Variants in IMPACT observed in about 807,000 individuals in gnomAD.
IMPACT encodes the protein protein IMPACT.
Under a neutral mutation model 47.5 loss-of-function variants are expected in IMPACT, and 35 were observed. The ratio of observed to expected loss-of-function variants is 0.74; its 90% CI spans 0.56 to 0.98. IMPACT has a LOEUF of 0.98. Among genes scored for constraint, IMPACT ranks in the 50% least tolerant of loss-of-function variants. The pLI, the probability that IMPACT is intolerant of heterozygous loss-of-function variation, is 0.00. For synonymous variants in IMPACT, 118 were observed against 125.6 expected, an observed-to-expected ratio of 0.94 and a Z score of 0.40; for missense variants, 373 against 394.8, an observed-to-expected ratio of 0.94 and a Z score of 0.47.
chr18:24,446,276 G>T lies in IMPACT; in HGVS notation c.668+810G>T, dbSNP rs117948434. On this transcript the variant is annotated intron_variant, in intron 8 of 10. Coordinates refer to ENST00000284202, the MANE Select transcript of IMPACT (RefSeq NM_018439.4). ...TGACAGGGTTCTGCCATGTTGCCCAGGCTGGCCTCAAACTCCTGAGTTCAA... is the reference window on the plus strand; with the variant it reads ...TGACAGGGTTCTGCCATGTTGCCCATGCTGGCCTCAAACTCCTGAGTTCAA... Among the ~76,000 whole-genome samples the T allele has an allele frequency of 1.1e-3, 164 of 152,232 alleles. 2 individuals carry two copies. In the East Asian group the frequency reaches 0.029, roughly 27 times the overall value.
At chr18:24,436,592 A>T (rs1056970098) in intron 4 of IMPACT, among the ~76,000 whole-genome samples, 3 of 151,652 alleles carry the variant, frequency 2.0e-5, no homozygotes, top group African/African-American at 4.9e-5. Flanking sequence ...TCTGTTGCCC[A>T]GGCTGGAGTG....
At chr18:24,435,887 G>GTTTTTTGTTTTTGTTTTTTTTTTTTT (rs1555666604) in intron 4 of IMPACT, among the ~76,000 whole-genome samples, 1 of 151,862 alleles carries the variant, frequency 6.6e-6, no homozygotes. Flanking sequence ...TGTCTTCTTT[G>GTTTTTTGTTTTTGTTTTTTTTTTTTT]ATGCTGTGTT....
At chr18:24,430,187 A>T in intron 3 of IMPACT, 135 bp from the exon 4 acceptor site, 1 of 525,664 alleles carries the variant, frequency 1.9e-6, no homozygotes, top group Non-Finnish European at 3.3e-6. Context: ...GCAACTATAT[A>T]GATTTATACA....
chr18:24,429,403 C>G (rs1908694790), intron 3 of IMPACT: 2 of 152,980 alleles, frequency 1.3e-5, no homozygotes, highest in African/African-American at 2.4e-5. Context: ...GAGCCATGAC[C>G]TGTTGATGCA....
At position 24,452,470 on chromosome 18, in the gene IMPACT, C is replaced by T. The variant is rs1330386650; in HGVS notation, c.*1623C>T. ...ACATTAAATAATTTCACAATTTCAA[C>T]ATGTCAAACCTATGAAGGGAGATAG... On this transcript the variant is annotated 3_prime_UTR_variant, in exon 11 of 11. Coordinates refer to ENST00000284202, the MANE Select transcript of IMPACT (RefSeq NM_018439.4). 3.3e-5 allele frequency: 5 copies of T among 151,992 alleles called. No homozygotes were observed. Among genetic ancestry groups the T allele is most frequent in the African/African-American group, 1.2e-4 (5 of 41,422 alleles). 9.4% of individuals were successfully genotyped at this position (151,992 alleles called of 1,614,324 possible).
chr18:24,438,808 C>G (rs563904504), intron 5 of IMPACT, among the ~76,000 whole-genome samples: 1 of 151,960 alleles, frequency 6.6e-6, no homozygotes, highest in African/African-American at 2.4e-5. Flanking sequence ...CTTGATGTCT[C>G]GGTTACGGTG....
At chr18:24,435,210 T>G (rs1908894926) in intron 4 of IMPACT, among the ~76,000 whole-genome samples, 1 of 152,098 alleles carries the variant, frequency 6.6e-6, no homozygotes, top group Non-Finnish European at 1.5e-5. Flanking sequence ...CCTCAAGTGA[T>G]CTATCTGTCT....
At chr18:24,432,017 T>A (rs1384485064) in intron 4 of IMPACT, among the ~76,000 whole-genome samples, 3 of 152,138 alleles carry the variant, frequency 2.0e-5, no homozygotes, top group Admixed American at 6.5e-5. Flanking sequence ...CTAATTTTTT[T>A]AAAAATTATT....
intron 4 of IMPACT, among the ~76,000 whole-genome samples, chr18:24,433,541 G>C (rs1908820217): frequency 6.6e-6 from 1 of 150,484 alleles, no homozygotes; most frequent in Non-Finnish European, 1.5e-5. Flanking sequence ...TGTTGCCCAA[G>C]CTGGCCTTGA....
In IMPACT at chr18:24,426,811, G is replaced by A; in HGVS notation, c.36+19G>A. On this transcript the variant is annotated intron_variant, in intron 1 of 10. Coordinates refer to ENST00000284202, the MANE Select transcript of IMPACT (RefSeq NM_018439.4). ...GAGGCAGGTGAGGCCCCGGCGGGGT[G>A]CTGTCTCTCCAGGCTCGGCTCCGGC... The A allele has an allele frequency of 1.6e-6, 2 of 1,236,870 alleles. No homozygotes were observed. 76.6% of individuals were successfully genotyped at this position (1,236,870 alleles called of 1,614,324 possible).
chr18:24,450,147 C>T (rs539591673), intron 10 of IMPACT, among the ~76,000 whole-genome samples, 194 bp downstream of exon 10: 1 of 152,262 alleles, frequency 6.6e-6, no homozygotes, highest in Admixed American at 6.5e-5. Context: ...CACTTAATCC[C>T]TTCGCACCTT....
At chr18:24,435,010 G>T (rs1908886636) in intron 4 of IMPACT, among the ~76,000 whole-genome samples, 1 of 148,950 alleles carries the variant, frequency 6.7e-6, no homozygotes, top group Non-Finnish European at 1.5e-5. Flanking sequence ...GTCTATCTCT[G>T]TTACCCAGGC....
intron 4 of IMPACT, among the ~76,000 whole-genome samples, chr18:24,436,600 G>C (rs1464221958): frequency 6.6e-6 from 1 of 151,442 alleles, no homozygotes; most frequent in East Asian, 1.9e-4. Context: ...CCAGGCTGGA[G>C]TGCAGTGGCA....
Position 24,426,708 on chromosome 18 carries a change from G to A in IMPACT, c.-49G>A. 2 of 1,233,796 alleles carry A rather than the reference G, an allele frequency of 1.6e-6. No homozygotes were observed. Among genetic ancestry groups the A allele is most frequent in the Non-Finnish European group, 2.0e-6 (2 of 985,832 alleles). 76.4% of individuals were successfully genotyped at this position (1,233,796 alleles called of 1,614,324 possible). ...CTCGCAGCCGCAGCGCCCCGCCCCC[G>A]CGCTCCGGACCTGGCAGGCGGCGGC... On this transcript the variant is annotated 5_prime_UTR_variant, in exon 1 of 11. Coordinates refer to ENST00000284202, the MANE Select transcript of IMPACT (RefSeq NM_018439.4).
intron 6 of IMPACT, among the ~76,000 whole-genome samples, chr18:24,442,063 T>C (rs1909128430): frequency 6.6e-6 from 1 of 152,196 alleles, no homozygotes; most frequent in Non-Finnish European, 1.5e-5. Flanking sequence ...CTTTCTTGTC[T>C]TGAATAACTT....
intron 3 of IMPACT, among the ~76,000 whole-genome samples, chr18:24,429,871 G>A (rs376090602): frequency 2.0e-4 from 30 of 151,458 alleles, no homozygotes; most frequent in African/African-American, 6.5e-4. Context: ...TCCGCCTCCC[G>A]GGTTCACACC....
Position 24,438,663 on chromosome 18 carries a change from C to T in IMPACT, c.367+623C>T, listed in dbSNP as rs117567069. On this transcript the variant is annotated intron_variant, in intron 5 of 10. Coordinates refer to ENST00000284202, the MANE Select transcript of IMPACT (RefSeq NM_018439.4). ...AAAATTTTTTCTACAGACGAGGTCT[C>T]CCTATGTTGCCCAGGCTGATCTCAA... Among the ~76,000 whole-genome samples the T allele has an allele frequency of 7.3e-3, 1,113 of 152,238 alleles. 9 individuals are homozygous for T. The highest frequency in any genetic ancestry group is 0.041 in the Middle Eastern group (12 of 292).
intron 6 of IMPACT, among the ~76,000 whole-genome samples, chr18:24,441,902 A>G (rs1909124280): frequency 6.6e-6 from 1 of 152,234 alleles, no homozygotes; most frequent in Non-Finnish European, 1.5e-5. Flanking sequence ...GATAAAAATC[A>G]TACTCATAAA....
Position 24,426,702 on chromosome 18 carries a change from G to A in IMPACT, c.-55G>A. ...TCTCGGCTCGCAGCCGCAGCGCCCC[G>A]CCCCCGCGCTCCGGACCTGGCAGGC... is the stretch of plus-strand genomic sequence containing the variant. On this transcript the variant is annotated 5_prime_UTR_variant, in exon 1 of 11. Transcript: ENST00000284202. 1 of 1,218,898 alleles carries A rather than the reference G, an allele frequency of 8.2e-7. No individual in the cohort carries two copies. Among genetic ancestry groups the A allele is most frequent in the Non-Finnish European group, 1.0e-6 (1 of 973,186 alleles). 75.5% of individuals were successfully genotyped at this position (1,218,898 alleles called of 1,614,324 possible). A position where few individuals can be genotyped will look rare whatever the true frequency, so the allele number is the denominator to read the frequency against.
Sources: allele counts gnomAD v4.1 joint callset (sites outside exome capture counted in the v4.1 genomes callset), GRCh38; gene constraint gnomAD v4.1.1; transcripts MANE v1.5; gene names NCBI Gene and HGNC (gene_info 2026-07-23, HGNC 2026-07-21).